The following RIPOR3 variants were observed in gnomAD, a reference collection of about 807,000 sequenced individuals.
The protein encoded by RIPOR3 is RIPOR family member 3, also known as family with sequence similarity 65 member C.
RIPOR3 carries 95 observed loss-of-function variants against 114.3 expected under a neutral mutation model. That is an observed-to-expected ratio of 0.83 (90% CI 0.70 to 0.99). RIPOR3 has a LOEUF of 0.99. RIPOR3 is among the 50% of genes least tolerant of loss of function. The probability of loss-of-function intolerance (pLI) is 0.00; values close to 1 mark genes in which losing one functional copy is unlikely to be tolerated. For synonymous variants in RIPOR3, 575 were observed against 543.8 expected (o/e 1.06, Z -0.80); for missense variants, 1,252 against 1,266.9 (o/e 0.99, Z 0.18).
intron 1 of RIPOR3, among the ~76,000 whole-genome samples, chr20:50,665,629 C>T (rs987007220): frequency 6.6e-6 from 1 of 151,918 alleles, no homozygotes; most frequent in Admixed American, 6.6e-5. Context: ...CTCATGTTGG[C>T]CAGGCTGGTC....
intron 1 of RIPOR3, among the ~76,000 whole-genome samples, chr20:50,663,782 C>T (rs1467602755): frequency 1.3e-5 from 2 of 152,204 alleles, no homozygotes; most frequent in Admixed American, 1.3e-4. Context: ...TCCCCCCATC[C>T]AAGACAACCC....
chr20:50,605,124 C>T (rs1344967021), intron 11 of RIPOR3, among the ~76,000 whole-genome samples: 1 of 152,030 alleles, frequency 6.6e-6, no homozygotes. Context: ...GTAAAGACAG[C>T]GTCTTGCCAT....
At chr20:50,630,717 C>G (rs1421666846) in intron 2 of RIPOR3, 21 bp downstream of exon 2, 16 of 1,579,234 alleles carry the variant, frequency 1.0e-5, no homozygotes, top group Non-Finnish European at 1.3e-5. Flanking sequence ...CACCCCGAAA[C>G]AGGACACGGG....
At chr20:50,633,881 CA>C (rs1256857968) in intron 1 of RIPOR3, among the ~76,000 whole-genome samples, 2 of 152,118 alleles carry the variant, frequency 1.3e-5, no homozygotes, top group African/African-American at 4.8e-5. Context: ...TCAATGGCCC[CA>C]TTTTTCATAT....
At chr20:50,652,174 G>T (rs1256341258) in intron 1 of RIPOR3, among the ~76,000 whole-genome samples, 1 of 152,170 alleles carries the variant, frequency 6.6e-6, no homozygotes, top group Non-Finnish European at 1.5e-5. Context: ...AGGTGGCCCT[G>T]GGCCCAGGAA....
intron 6 of RIPOR3, among the ~76,000 whole-genome samples, chr20:50,609,947 TCACCTGCCACCACTGCCTCACCTGCCA>T (rs2083891532): frequency 1.4e-5 from 2 of 146,338 alleles, no homozygotes; most frequent in African/African-American, 2.6e-5. Context: ...CTCACCTGCC[TCACCTGCCACCACTGCCTCACCTGCCA>T]CCCCTACCAC....
intron 1 of RIPOR3, among the ~76,000 whole-genome samples, chr20:50,665,911 G>C (rs2086174805): frequency 6.6e-6 from 1 of 152,044 alleles, no homozygotes. Context: ...ACTGTATCCA[G>C]CTATACCTAA....
intron 1 of RIPOR3, among the ~76,000 whole-genome samples, chr20:50,689,169 CTTCTTTT>C (rs1222301021): frequency 5.6e-5 from 7 of 126,092 alleles, no homozygotes; most frequent in African/African-American, 1.7e-4. Context: ...CCTCTCCAAA[CTTCTTTT>C]TTTTTTTTTT....
rs897726491 is a variant in RIPOR3 at position 50,609,599 on chromosome 20, C to T, written c.550G>A (p.Gly184Ser). The T allele has an allele frequency of 4.3e-5, 61 of 1,417,592 alleles. No individual in the cohort carries two copies. The highest frequency in any genetic ancestry group is 5.5e-5 in the Non-Finnish European group (60 of 1,089,694). The allele number at this position is 1,417,592 out of a possible 1,614,324, so 87.8% of individuals were successfully genotyped here. A position where few individuals can be genotyped will look rare whatever the true frequency, so the allele number is the denominator to read the frequency against. ...RAARESLQEL[G>S]RSLHECAEDM... ...TCGGCGCACTCGTGCAGGCTGCGGC[C>T]CAGCTCCTGCAGGCTCTCTCGGGCT... is the stretch of plus-strand genomic sequence containing the variant. The change falls in exon 7 of 22, where the codon GGC becomes AGC. Residue 184 changes from glycine to serine, a missense_variant. Transcript: ENST00000327979.
At chr20:50,631,443 C>T (rs1158428206) in intron 1 of RIPOR3, among the ~76,000 whole-genome samples, 1 of 152,180 alleles carries the variant, frequency 6.6e-6, no homozygotes, top group Non-Finnish European at 1.5e-5. Flanking sequence ...ACAGCCTGGG[C>T]AAAGGCCAGG....
At chr20:50,679,121 A>T (rs1600761974) in intron 1 of RIPOR3, among the ~76,000 whole-genome samples, 2 of 77,236 alleles carry the variant, frequency 2.6e-5, no homozygotes, top group East Asian at 4.0e-4. Context: ...AAAAAAAAAA[A>T]AAAAAAAAAA....
At chr20:50,639,377 A>T (rs533035153) in intron 1 of RIPOR3, among the ~76,000 whole-genome samples, 30 of 152,240 alleles carry the variant, frequency 2.0e-4, no homozygotes, top group African/African-American at 4.1e-4. Context: ...CTCAAGCCTG[A>T]GCTCTGCCCC....
chr20:50,594,729 T>G lies in RIPOR3; in HGVS notation c.2051-15A>C. The G allele has an allele frequency of 6.2e-7, 1 of 1,602,494 alleles. No individual in the cohort carries two copies. Among genetic ancestry groups the G allele is most frequent in the Non-Finnish European group, 8.5e-7 (1 of 1,171,532 alleles). ...CTGTGGGATGACTGAAAGCCCCAGT[T>G]CAGAAACCTGAATGGTGACTCGGGG... On this transcript the variant is annotated splice_polypyrimidine_tract_variant and intron_variant, in intron 16 of 21. Transcript: ENST00000327979.
intron 1 of RIPOR3, among the ~76,000 whole-genome samples, chr20:50,643,860 C>T (rs867545995): frequency 5.0e-4 from 76 of 151,808 alleles, no homozygotes; most frequent in African/African-American, 1.8e-3. Context: ...ACTACAGGCG[C>T]CCGCCACTGT....
At chr20:50,598,222 C>G (rs2083367616) in intron 13 of RIPOR3, among the ~76,000 whole-genome samples, 1 of 152,168 alleles carries the variant, frequency 6.6e-6, no homozygotes, top group South Asian at 2.1e-4. Context: ...GCTCAGAGGC[C>G]TGTGGGCTCC....
rs558942898 is a variant in RIPOR3 at position 50,638,707 on chromosome 20, G to T, written c.4-7851C>A. Among the ~76,000 whole-genome samples the T allele has an allele frequency of 5.3e-5, 8 of 152,240 alleles. No individual in the cohort carries two copies. The East Asian group carries it at 1.5e-3, about 29-fold the overall frequency. The stretch of plus-strand genomic sequence containing the variant: ...GGGGATGAAGGAAGATAAAGATGGG[G>T]TAGCGGGAGGGAGCGGGGGAAGCTG... On this transcript the variant is annotated intron_variant, in intron 1 of 21. Transcript: ENST00000327979.
At chr20:50,637,665 A>G (rs1485862215) in intron 1 of RIPOR3, among the ~76,000 whole-genome samples, 2 of 152,124 alleles carry the variant, frequency 1.3e-5, no homozygotes, top group African/African-American at 4.8e-5. Flanking sequence ...ACCTGAGGTC[A>G]GGAGTTCAAG....
At chr20:50,629,641 C>T (rs1268509770) in intron 2 of RIPOR3, among the ~76,000 whole-genome samples, 1 of 152,230 alleles carries the variant, frequency 6.6e-6, no homozygotes, top group Non-Finnish European at 1.5e-5. Context: ...GCCAAGCCTG[C>T]TCCCTCATCC....
In RIPOR3 at chr20:50,587,823, G is replaced by T. The variant is rs563542623; in HGVS notation, c.2731C>A (p.Arg911=). Residue 911 remains arginine, a synonymous_variant, in exon 21 of 22, where the codon CGG becomes AGG. Coordinates refer to ENST00000327979, the MANE Select transcript of RIPOR3 (RefSeq NM_001290268.2). Reference sequence around the variant, plus strand: ...TTACCGAACGACAGTGTGGTTTCCCGGGCTGCCGCCCGCACGGCCTCCAGG... The same window carrying T: ...TTACCGAACGACAGTGTGGTTTCCCTGGCTGCCGCCCGCACGGCCTCCAGG... ...SDLEAVRAAA[R]ETTLSFGEKG... The T allele has an allele frequency of 6.2e-7, 1 of 1,614,174 alleles. No individual in the cohort carries two copies. The highest frequency in any genetic ancestry group is 2.2e-5 in the East Asian group (1 of 44,884).
Sources: allele counts gnomAD v4.1 joint callset (sites outside exome capture counted in the v4.1 genomes callset), GRCh38; gene constraint gnomAD v4.1.1; transcripts MANE v1.5; gene names NCBI Gene and HGNC (gene_info 2026-07-23, HGNC 2026-07-21).